The following TAFA1 variants were observed in gnomAD, a reference collection of about 807,000 sequenced individuals.
TAFA1 encodes the protein TAFA chemokine like family member 1, also known as chemokine-like protein TAFA-1.
In TAFA1, 4 loss-of-function variants were observed where a neutral mutation model predicts 18.5. That is an observed-to-expected ratio of 0.22 (90% CI 0.11 to 0.49). The LOEUF (loss-of-function observed/expected upper bound fraction) is 0.49, where lower values mean the gene tolerates loss of function less well. TAFA1 is among the 20% of genes least tolerant of loss of function. The pLI is 0.98. For missense variants in TAFA1, 147 were observed against 169.0 expected (o/e 0.87, Z 0.72); for synonymous variants, 56 against 55.2 (o/e 1.01, Z -0.06).
intron 2 of TAFA1, among the ~76,000 whole-genome samples, chr3:68,361,002 A>G (rs1369331579): frequency 1.3e-5 from 2 of 152,018 alleles, no homozygotes; most frequent in Non-Finnish European, 2.9e-5. Context: ...TATGCTAAAG[A>G]AATAATAAGG....
intron 2 of TAFA1, among the ~76,000 whole-genome samples, chr3:68,081,060 A>G (rs1393490770): frequency 1.3e-5 from 2 of 151,688 alleles, no homozygotes; most frequent in African/African-American, 4.8e-5. Context: ...CATTTCATTC[A>G]TTTCATCTTC....
At chr3:68,261,395 C>A (rs1170767474) in intron 2 of TAFA1, among the ~76,000 whole-genome samples, 2 of 152,152 alleles carry the variant, frequency 1.3e-5, no homozygotes, top group African/African-American at 4.8e-5. Context: ...TACCATTTGA[C>A]CCAGCCATCC....
chr3:68,057,342 A>G (rs2064549330), intron 2 of TAFA1, among the ~76,000 whole-genome samples: 1 of 152,196 alleles, frequency 6.6e-6, no homozygotes, highest in African/African-American at 2.4e-5. Flanking sequence ...ATCAGTGTTG[A>G]AAAGAGGTGA....
At chr3:68,483,487 T>C (rs1453725844) in intron 3 of TAFA1, among the ~76,000 whole-genome samples, 1 of 152,200 alleles carries the variant, frequency 6.6e-6, no homozygotes, top group African/African-American at 2.4e-5. Context: ...ATTAAGAAGT[T>C]ATATTTAGCT....
At chr3:68,249,069 C>T (rs974412595) in intron 2 of TAFA1, among the ~76,000 whole-genome samples, 2 of 152,096 alleles carry the variant, frequency 1.3e-5, no homozygotes, top group Non-Finnish European at 2.9e-5. Context: ...CTGGTGCCTT[C>T]CCTACTGAAG....
chr3:68,014,405 A>G (rs974683946), intron 2 of TAFA1, among the ~76,000 whole-genome samples: 4 of 152,244 alleles, frequency 2.6e-5, no homozygotes, highest in Non-Finnish European at 5.9e-5. Flanking sequence ...AAAGTGGTAG[A>G]AAAACATCAC....
Position 68,264,677 on chromosome 3 carries a change from A to ATCAATGAAAGTCTTTG in TAFA1, c.119-152588_119-152587insGTCAATGAAAGTCTTT, listed in dbSNP as rs529468737. Among the ~76,000 whole-genome samples, 37 of 148,852 alleles carry ATCAATGAAAGTCTTTG rather than the reference A, an allele frequency of 2.5e-4. No homozygotes were observed. The East Asian group carries it at 6.4e-3, about 26-fold the overall frequency. ...CTTAACACAGTCAATGAAAGTCTTT[A>ATCAATGAAAGTCTTTG]TCAATGAAAGTCTTTATAGAAAGTA... On this transcript the variant is annotated intron_variant, in intron 2 of 4. Transcript: ENST00000478136.
At chr3:68,391,329 G>T (rs990494469) in intron 2 of TAFA1, among the ~76,000 whole-genome samples, 3 of 152,072 alleles carry the variant, frequency 2.0e-5, no homozygotes, top group African/African-American at 4.8e-5. Context: ...GAATGAAAAG[G>T]AATGAACAAA....
chr3:68,154,270 A>T (rs767715616), intron 2 of TAFA1, among the ~76,000 whole-genome samples: 1 of 152,320 alleles, frequency 6.6e-6, no homozygotes, highest in Non-Finnish European at 1.5e-5. Context: ...TTAGAGACCT[A>T]GAAATTGTCT....
intron 3 of TAFA1, among the ~76,000 whole-genome samples, chr3:68,425,216 CTGCCATT>C (rs1268073292): frequency 5.3e-5 from 8 of 151,920 alleles, no homozygotes; most frequent in Non-Finnish European, 1.2e-4. Context: ...TATTTTGGTT[CTGCCATT>C]TGTTACTTGT....
chr3:68,353,171 T>C (rs1179576007), intron 2 of TAFA1, among the ~76,000 whole-genome samples: 1 of 152,060 alleles, frequency 6.6e-6, no homozygotes, highest in Non-Finnish European at 1.5e-5. Context: ...TCCCCAACTC[T>C]GATTTTTCAT....
chr3:68,529,818 A>G (rs767474424), intron 3 of TAFA1, among the ~76,000 whole-genome samples: 1 of 152,206 alleles, frequency 6.6e-6, no homozygotes, highest in Non-Finnish European at 1.5e-5. Flanking sequence ...TGTTCATGAG[A>G]GATCCACCCG....
rs191231523 is a variant in TAFA1 at position 68,450,772 on chromosome 3, A to G, written c.259+33352A>G. ...GGACAACACAAGATCCTAATTACAT[A>G]TAACACTTACTACATGACTCTAGTA... On this transcript the variant is annotated intron_variant, in intron 3 of 4. Transcript: ENST00000478136. Among the ~76,000 whole-genome samples the G allele has an allele frequency of 2.3e-4, 35 of 152,332 alleles. No homozygotes were observed. In the East Asian group the frequency reaches 4.1e-3, roughly 18 times the overall value.
intron 2 of TAFA1, among the ~76,000 whole-genome samples, chr3:68,162,927 A>T (rs2065943199): frequency 6.6e-6 from 1 of 152,206 alleles, no homozygotes. Context: ...CATAGACAGG[A>T]GGTAATCTGT....
intron 2 of TAFA1, among the ~76,000 whole-genome samples, chr3:68,178,258 TTCCTC>T (rs2066151256): frequency 6.6e-6 from 1 of 152,232 alleles, no homozygotes; most frequent in Admixed American, 6.5e-5. Context: ...TGTCATCTAT[TTCCTC>T]ATTCATTCAC....
chr3:68,021,989 G>A (rs1358534865), intron 2 of TAFA1, among the ~76,000 whole-genome samples: 2 of 152,022 alleles, frequency 1.3e-5, no homozygotes, highest in Non-Finnish European at 2.9e-5. Flanking sequence ...CTTCAAAAAC[G>A]CTGTTAAGTA....
chr3:68,109,348 C>T (rs932151086), intron 2 of TAFA1, among the ~76,000 whole-genome samples: 4 of 151,932 alleles, frequency 2.6e-5, no homozygotes, highest in Non-Finnish European at 4.4e-5. Context: ...CATCATTGTG[C>T]GACATACTTT....
intron 2 of TAFA1, among the ~76,000 whole-genome samples, chr3:68,318,619 T>C (rs72626972): frequency 0.026 from 3,945 of 152,342 alleles, 90 homozygotes; most frequent in East Asian, 0.099. Context: ...GTTATGTTTT[T>C]CTTCTTCTTT....
intron 2 of TAFA1, among the ~76,000 whole-genome samples, chr3:68,348,832 G>C (rs1334913082): frequency 6.6e-6 from 1 of 152,018 alleles, no homozygotes; most frequent in African/African-American, 2.4e-5. Context: ...GATCACATTA[G>C]TTCATGAAAA....
Sources: allele counts gnomAD v4.1 joint callset (sites outside exome capture counted in the v4.1 genomes callset), GRCh38; gene constraint gnomAD v4.1.1; transcripts MANE v1.5; gene names NCBI Gene and HGNC (gene_info 2026-07-23, HGNC 2026-07-21).